Variants in NEDD4L observed in about 807,000 individuals in gnomAD.
The protein encoded by NEDD4L is E3 ubiquitin-protein ligase NEDD4-like.
NEDD4L carries 54 observed loss-of-function variants against 148.9 expected under a neutral mutation model. The ratio of observed to expected loss-of-function variants is 0.36; its 90% CI spans 0.29 to 0.45. The LOEUF is 0.45. Ranked by LOEUF, NEDD4L falls within the 20% of genes least tolerant of loss-of-function variation. The pLI is 1.00. For synonymous variants in NEDD4L, 433 were observed against 440.7 expected (o/e 0.98, Z 0.22); for missense variants, 856 against 1,233.8 (o/e 0.69, Z 4.59).
chr18:58,101,567 T>C (rs1256637684), intron 1 of NEDD4L, among the ~76,000 whole-genome samples: 1 of 152,206 alleles, frequency 6.6e-6, no homozygotes, highest in East Asian at 1.9e-4. Context: ...GAGTAGCAAG[T>C]GACTGTTGCT....
intron 2 of NEDD4L, among the ~76,000 whole-genome samples, chr18:58,210,029 T>C (rs569000124): frequency 6.6e-6 from 1 of 152,142 alleles, no homozygotes; most frequent in African/African-American, 2.4e-5. Context: ...TGGCCGGGCA[T>C]GGTGGCTTAT....
intron 16 of NEDD4L, 66 bp downstream of exon 16, chr18:58,343,169 CT>C: frequency 7.2e-7 from 1 of 1,380,312 alleles, no homozygotes; most frequent in Non-Finnish European, 9.8e-7. Context: ...CCTTGATTTC[CT>C]TAGTGTTTGT....
rs374335183 is a variant in NEDD4L, at chr18:58,357,183, A to G, written c.1709-11A>G. 2 of 1,554,632 alleles carry G rather than the reference A, an allele frequency of 1.3e-6. No individual in the cohort carries two copies. The highest frequency in any genetic ancestry group is 1.4e-5 in the African/African-American group (1 of 69,350). ...GTTCTGATTTTTTTTTTTTTTTTTTAACATTTTCAGATAGCAAAATTACTC... is the reference window on the plus strand; with the variant it reads ...GTTCTGATTTTTTTTTTTTTTTTTTGACATTTTCAGATAGCAAAATTACTC... On this transcript the variant is annotated splice_polypyrimidine_tract_variant and intron_variant, in intron 18 of 30. Coordinates refer to ENST00000400345, the MANE Select transcript of NEDD4L (RefSeq NM_001144967.3).
chr18:58,268,930 A>G (rs2050629407), intron 5 of NEDD4L, among the ~76,000 whole-genome samples: 1 of 151,964 alleles, frequency 6.6e-6, no homozygotes, highest in African/African-American at 2.4e-5. Flanking sequence ...TACCCATGCA[A>G]GGGTGATGAC....
chr18:58,138,919 A>C (rs1440765928), intron 1 of NEDD4L, among the ~76,000 whole-genome samples: 4 of 152,224 alleles, frequency 2.6e-5, no homozygotes, highest in South Asian at 4.1e-4. Flanking sequence ...AGTCCCTGAC[A>C]GGGTTAGGCA....
chr18:58,330,358 G>C (rs2059689789), intron 10 of NEDD4L, among the ~76,000 whole-genome samples: 1 of 152,208 alleles, frequency 6.6e-6, no homozygotes, highest in Non-Finnish European at 1.5e-5. Flanking sequence ...AGAGAAGTGT[G>C]TGTGTGTGTT....
chr18:58,358,911 G>A (rs190152510), intron 19 of NEDD4L, among the ~76,000 whole-genome samples: 32 of 152,026 alleles, frequency 2.1e-4, no homozygotes, highest in African/African-American at 7.5e-4. Context: ...TTGCATTATG[G>A]TCAGATAATA....
At chr18:58,142,866 T>A (rs2033700742) in intron 1 of NEDD4L, among the ~76,000 whole-genome samples, 2 of 152,162 alleles carry the variant, frequency 1.3e-5, no homozygotes, top group Non-Finnish European at 2.9e-5. Flanking sequence ...ATATTAATAT[T>A]AAGGGTCTTT....
intron 5 of NEDD4L, among the ~76,000 whole-genome samples, chr18:58,310,529 G>T (rs1355394752): frequency 6.6e-6 from 1 of 152,186 alleles, no homozygotes; most frequent in Non-Finnish European, 1.5e-5. Flanking sequence ...GGTAATTTCA[G>T]TGACATATTT....
At chr18:58,072,764 G>A (rs530311478) in intron 1 of NEDD4L, among the ~76,000 whole-genome samples, 21 of 151,972 alleles carry the variant, frequency 1.4e-4, no homozygotes, top group Non-Finnish European at 2.9e-4. Context: ...ATAAATAAAA[G>A]CATTGAGATT....
intron 2 of NEDD4L, among the ~76,000 whole-genome samples, chr18:58,234,122 CTTCTTTTTTTCT>C (rs1364662960): frequency 8.8e-6 from 1 of 114,228 alleles, no homozygotes; most frequent in Non-Finnish European, 1.8e-5. Context: ...TTTTCTTTTC[CTTCTTTTTTTCT>C]TTCTTTCTCT....
Position 58,262,955 on chromosome 18 carries a change from A to G in NEDD4L, c.297+10901A>G, listed in dbSNP as rs190187796. Among the ~76,000 whole-genome samples, 257 of 152,312 alleles carry G rather than the reference A, an allele frequency of 1.7e-3. 1 individual carries two copies. Among genetic ancestry groups the G allele is most frequent in the African/African-American group, 5.8e-3 (242 of 41,564 alleles). ...GGAGGATGGAATCAATTGTATTTCA[A>G]GAAGCCTGTTTTTTATGCCCTGACA... On this transcript the variant is annotated intron_variant, in intron 5 of 30. Transcript: ENST00000400345.
chr18:58,253,106 A>G (rs2048116559), intron 5 of NEDD4L, among the ~76,000 whole-genome samples: 1 of 152,198 alleles, frequency 6.6e-6, no homozygotes, highest in African/African-American at 2.4e-5. Context: ...GTTCTTAAGA[A>G]TCCTTTCTGC....
At chr18:58,395,577 A>ACT (rs2050386699) in intron 30 of NEDD4L, among the ~76,000 whole-genome samples, 13 of 151,612 alleles carry the variant, frequency 8.6e-5, no homozygotes, top group Admixed American at 8.5e-4. Context: ...GACTTTGATC[A>ACT]GAGGAGGTAG....
At chr18:58,197,984 G>A (rs2040920066) in intron 2 of NEDD4L, 1 of 152,258 alleles carries the variant, frequency 6.6e-6, no homozygotes, top group African/African-American at 2.4e-5. Flanking sequence ...AGTGATAATA[G>A]CCTGGGTCTC....
At chr18:58,156,246 T>C (rs1456930168) in intron 1 of NEDD4L, among the ~76,000 whole-genome samples, 1 of 152,234 alleles carries the variant, frequency 6.6e-6, no homozygotes, top group Non-Finnish European at 1.5e-5. Flanking sequence ...GAGAGTGGGT[T>C]AGCCACCATA....
chr18:58,233,534 T>C (rs566011587), intron 2 of NEDD4L, among the ~76,000 whole-genome samples: 180 of 152,268 alleles, frequency 1.2e-3, no homozygotes, highest in Non-Finnish European at 2.0e-3. Context: ...TCCCACTGGG[T>C]CCCTCCCACA....
At chr18:58,275,566 T>G (rs967910039) in intron 5 of NEDD4L, among the ~76,000 whole-genome samples, 1 of 152,206 alleles carries the variant, frequency 6.6e-6, no homozygotes, top group Non-Finnish European at 1.5e-5. Context: ...AAGATGAGAA[T>G]GTGTGAAGTC....
chr18:58,232,093 G>A (rs1367296845), intron 2 of NEDD4L, among the ~76,000 whole-genome samples: 1 of 152,196 alleles, frequency 6.6e-6, no homozygotes, highest in African/African-American at 2.4e-5. Context: ...CACAGGGACA[G>A]GGAGAAACAT....
Sources: gnomAD v4.1 joint callset for allele counts (sites outside exome capture counted in the v4.1 genomes callset) on GRCh38, gnomAD v4.1.1 for gene constraint, MANE v1.5 for transcripts, NCBI Gene and HGNC (gene_info 2026-07-23, HGNC 2026-07-21) for gene names.